The following ASPH variants were observed in gnomAD, a reference collection of about 807,000 sequenced individuals.
ASPH encodes the protein aspartyl/asparaginyl beta-hydroxylase.
In ASPH, 100 loss-of-function variants were observed where a neutral mutation model predicts 118.4. That is an observed-to-expected ratio of 0.84 (90% CI 0.72 to 1.00). The LOEUF (loss-of-function observed/expected upper bound fraction) is 1.00. Among genes scored for constraint, ASPH ranks in the 50% least tolerant of loss-of-function variants. The probability of loss-of-function intolerance (pLI) is 0.00; values close to 1 mark genes in which losing one functional copy is unlikely to be tolerated. For synonymous variants in ASPH, 315 were observed against 325.6 expected (o/e 0.97, Z 0.35); for missense variants, 920 against 919.5 (o/e 1.00, Z -0.01).
intron 13 of ASPH, chr8:61,625,000 T>C: frequency 2.0e-6 from 2 of 985,568 alleles, no homozygotes; most frequent in Non-Finnish European, 2.4e-6. Flanking sequence ...GTGATAAAAA[T>C]ATAGAAGTAT....
At chr8:61,505,287 G>A (rs1204484614) in intron 24 of ASPH, among the ~76,000 whole-genome samples, 1 of 152,014 alleles carries the variant, frequency 6.6e-6, no homozygotes, top group Admixed American at 6.6e-5. Context: ...CAAGGTCAGG[G>A]GTTCGAGGCC....
At chr8:61,523,441 G>A (rs1017171698) in intron 22 of ASPH, among the ~76,000 whole-genome samples, 14 of 150,102 alleles carry the variant, frequency 9.3e-5, no homozygotes, top group South Asian at 2.1e-4. Flanking sequence ...TCAGCCTCCC[G>A]AGTAGCTGGA....
intron 14 of ASPH, among the ~76,000 whole-genome samples, chr8:61,610,628 G>A (rs779740802): frequency 6.6e-6 from 1 of 152,188 alleles, no homozygotes; most frequent in Admixed American, 6.5e-5. Flanking sequence ...CAGCTGCAAG[G>A]GTGGACGGGA....
chr8:61,671,055 A>AAAT (rs1468180073), intron 3 of ASPH, among the ~76,000 whole-genome samples: 1 of 152,110 alleles, frequency 6.6e-6, no homozygotes, highest in African/African-American at 2.4e-5. Flanking sequence ...CAACAATGGG[A>AAAT]AATACAGTAA....
At chr8:61,557,646 G>A (rs1163610015) in intron 18 of ASPH, among the ~76,000 whole-genome samples, 6 of 152,162 alleles carry the variant, frequency 3.9e-5, no homozygotes, top group Admixed American at 2.6e-4. Flanking sequence ...AAGCTCTACA[G>A]GGATTTTGTC....
chr8:61,712,228 T>C (rs1436777377), intron 1 of ASPH, among the ~76,000 whole-genome samples: 1 of 152,190 alleles, frequency 6.6e-6, no homozygotes, highest in African/African-American at 2.4e-5. Flanking sequence ...AGGAAATGGT[T>C]CGCACAACGT....
chr8:61,541,898 A>C (rs1288492691), intron 21 of ASPH, among the ~76,000 whole-genome samples: 2 of 152,236 alleles, frequency 1.3e-5, no homozygotes, highest in South Asian at 2.1e-4. Context: ...TTTTAATAAA[A>C]TACTTGATAT....
At chr8:61,626,362 A>T in intron 13 of ASPH, 8 of 1,354,038 alleles carry the variant, frequency 5.9e-6, no homozygotes, top group Non-Finnish European at 7.7e-6. Context: ...TCTACTTTTT[A>T]AAAAACCCAC....
intron 1 of ASPH, among the ~76,000 whole-genome samples, chr8:61,692,567 C>T (rs561891340): frequency 1.3e-5 from 2 of 152,198 alleles, no homozygotes; most frequent in Non-Finnish European, 2.9e-5. Flanking sequence ...CCCACTGAGT[C>T]GAGGGTTCTA....
intron 1 of ASPH, chr8:61,689,993 ACT>A: frequency 2.1e-6 from 1 of 465,506 alleles, no homozygotes; most frequent in Non-Finnish European, 3.0e-6. Context: ...GTCCTAGCTA[ACT>A]CCAACCCCTA....
chr8:61,627,044 G>A (rs997167368), intron 13 of ASPH, among the ~76,000 whole-genome samples: 4 of 152,004 alleles, frequency 2.6e-5, no homozygotes, highest in African/African-American at 9.7e-5. Flanking sequence ...ATCTACACAT[G>A]TGCAACCAAA....
intron 1 of ASPH, among the ~76,000 whole-genome samples, chr8:61,684,865 C>T (rs913853912): frequency 6.6e-6 from 1 of 151,936 alleles, no homozygotes; most frequent in Non-Finnish European, 1.5e-5. Context: ...CAAAAATAAA[C>T]AAAAATGATT....
At chr8:61,665,066 T>C (rs1818846552) in intron 3 of ASPH, 1 of 1,320,574 alleles carries the variant, frequency 7.6e-7, no homozygotes, top group African/African-American at 1.5e-5. Flanking sequence ...AAAATGTTTT[T>C]ACATTTAGAA....
chr8:61,636,692 G>T (rs1857924614), intron 12 of ASPH, among the ~76,000 whole-genome samples: 1 of 152,092 alleles, frequency 6.6e-6, no homozygotes, highest in Admixed American at 6.5e-5. Flanking sequence ...AGAAAGGTAG[G>T]GTCAAATTGC....
chr8:61,584,045 G>T lies in ASPH; in HGVS notation c.977-16C>A, dbSNP rs926808794. ...TTTTTCTTAACTGAAAGAAAAAAGA[G>T]ATTTTTATTTTTAACGTTTTTTGAC... On this transcript the variant is annotated splice_polypyrimidine_tract_variant and intron_variant, in intron 14 of 24. Transcript: ENST00000379454. The T allele has an allele frequency of 1.4e-6, 2 of 1,435,388 alleles. No homozygotes were observed. Among genetic ancestry groups the T allele is most frequent in the Non-Finnish European group, 1.9e-6 (2 of 1,046,702 alleles). 88.9% of individuals were successfully genotyped at this position (1,435,388 alleles called of 1,614,324 possible).
At chr8:61,594,329 C>T (rs1841975344) in intron 14 of ASPH, among the ~76,000 whole-genome samples, 1 of 152,188 alleles carries the variant, frequency 6.6e-6, no homozygotes, top group African/African-American at 2.4e-5. Flanking sequence ...AGTTATCTAA[C>T]ATCATCTTTA....
chr8:61,596,753 A>G (rs1842613861), intron 14 of ASPH, among the ~76,000 whole-genome samples: 1 of 152,250 alleles, frequency 6.6e-6, no homozygotes, highest in South Asian at 2.1e-4. Flanking sequence ...AGTCTTTCCT[A>G]TGAAAGCCAA....
intron 24 of ASPH, among the ~76,000 whole-genome samples, chr8:61,508,959 T>G: frequency 6.6e-6 from 1 of 152,232 alleles, no homozygotes; most frequent in East Asian, 1.9e-4. Context: ...TTGAAAGCCC[T>G]GGGATGGCAC....
chr8:61,566,625 A>G (rs1358099913), intron 17 of ASPH, among the ~76,000 whole-genome samples: 1 of 152,258 alleles, frequency 6.6e-6, no homozygotes, highest in African/African-American at 2.4e-5. Flanking sequence ...AGAGTCAATC[A>G]ATGCAGCAAA....
Sources: gnomAD v4.1 joint callset for allele counts (sites outside exome capture counted in the v4.1 genomes callset) on GRCh38, gnomAD v4.1.1 for gene constraint, MANE v1.5 for transcripts, NCBI Gene and HGNC (gene_info 2026-07-23, HGNC 2026-07-21) for gene names.